BNC2: variants seen among roughly 807,000 people sequenced by gnomAD.
BNC2 encodes the protein zinc finger protein basonuclin-2.
In BNC2, 20 loss-of-function variants were observed where a neutral mutation model predicts 76.3. The observed-to-expected ratio is 0.26, with a 90% CI of 0.18 to 0.38. BNC2 has a LOEUF of 0.38. Ranked by LOEUF, BNC2 falls within the 10% of genes least tolerant of loss-of-function variation. The pLI, the probability that BNC2 is intolerant of heterozygous loss-of-function variation, is 1.00. For missense variants in BNC2, 1,382 were observed against 1,399.8 expected (o/e 0.99, Z 0.20); for synonymous variants, 582 against 514.8 (o/e 1.13, Z -1.77).
chr9:16,761,079 CA>C (rs397933346), intron 1 of BNC2, among the ~76,000 whole-genome samples: 28 of 145,224 alleles, frequency 1.9e-4, no homozygotes, highest in South Asian at 4.5e-4. Flanking sequence ...CCCGTCTCTA[CA>C]AAAAAAAAAA....
In BNC2 at chr9:16,413,079, T is replaced by G. The variant is rs1162218787; in HGVS notation, c.*5910A>C. Reference sequence around the variant, plus strand: ...GTTATTAGAAAGATACGAGGTGAAATTGAACTGAAGCTTCTTGCTGCTCAG... The same window carrying G: ...GTTATTAGAAAGATACGAGGTGAAAGTGAACTGAAGCTTCTTGCTGCTCAG... On this transcript the variant is annotated 3_prime_UTR_variant, in exon 7 of 7. Transcript: ENST00000380672. 1 of 152,642 alleles carries G rather than the reference T, an allele frequency of 6.6e-6. No homozygotes were observed. The highest frequency in any genetic ancestry group is 1.5e-5 in the Non-Finnish European group (1 of 68,046). 9.5% of individuals were successfully genotyped at this position (152,642 alleles called of 1,614,324 possible).
intron 5 of BNC2, among the ~76,000 whole-genome samples, chr9:16,450,195 A>C (rs1192732559): frequency 1.3e-5 from 2 of 152,246 alleles, no homozygotes. Flanking sequence ...TACATCAGTG[A>C]AATTAGTTTA....
chr9:16,611,937 G>A (rs1223593394), intron 3 of BNC2, among the ~76,000 whole-genome samples: 2 of 152,032 alleles, frequency 1.3e-5, no homozygotes, highest in Non-Finnish European at 2.9e-5. Flanking sequence ...AAATAACCTA[G>A]TCTCTTTCTT....
intron 4 of BNC2, among the ~76,000 whole-genome samples, chr9:16,564,264 C>T (rs958394015): frequency 2.0e-5 from 3 of 152,064 alleles, no homozygotes; most frequent in African/African-American, 4.8e-5. Context: ...TAGGGTAGTC[C>T]TTAGTTTTCA....
intron 6 of BNC2, among the ~76,000 whole-genome samples, chr9:16,427,745 C>T (rs1187729606): frequency 1.3e-5 from 2 of 152,134 alleles, no homozygotes; most frequent in Non-Finnish European, 2.9e-5. Flanking sequence ...CCAATTCCAT[C>T]TCTGCTGATG....
chr9:16,767,593 A>G (rs991746368), intron 1 of BNC2, among the ~76,000 whole-genome samples: 1 of 152,200 alleles, frequency 6.6e-6, no homozygotes, highest in African/African-American at 2.4e-5. Context: ...CACTGGGGAA[A>G]AAGTATGAGA....
chr9:16,500,020 G>A (rs1410769561), intron 5 of BNC2, among the ~76,000 whole-genome samples: 1 of 151,848 alleles, frequency 6.6e-6, no homozygotes, highest in Admixed American at 6.6e-5. Context: ...TTTCATAGCT[G>A]GGAATTCACA....
chr9:16,519,371 T>A (rs1321848989), intron 5 of BNC2, among the ~76,000 whole-genome samples: 1 of 152,312 alleles, frequency 6.6e-6, no homozygotes, highest in Non-Finnish European at 1.5e-5. Context: ...TCCCAAAAGA[T>A]AGGAATTGGA....
chr9:16,804,308 T>C (rs569220274), intron 1 of BNC2, among the ~76,000 whole-genome samples: 5 of 152,362 alleles, frequency 3.3e-5, no homozygotes, highest in Admixed American at 2.0e-4. Context: ...CCAGAACGTT[T>C]TGATGTAAGT....
chr9:16,781,977 G>T (rs1431157648), intron 1 of BNC2, among the ~76,000 whole-genome samples: 3 of 152,012 alleles, frequency 2.0e-5, no homozygotes, highest in Non-Finnish European at 4.4e-5. Flanking sequence ...ATATTATTAT[G>T]ACTTTCAATT....
At chr9:16,821,443 T>C (rs1303851422) in intron 1 of BNC2, among the ~76,000 whole-genome samples, 2 of 152,182 alleles carry the variant, frequency 1.3e-5, no homozygotes, top group African/African-American at 4.8e-5. Context: ...AAAAAAATTA[T>C]TTCCAATGCA....
intron 3 of BNC2, among the ~76,000 whole-genome samples, chr9:16,717,731 C>T (rs758677000): frequency 1.3e-5 from 2 of 152,102 alleles, no homozygotes; most frequent in Non-Finnish European, 2.9e-5. Flanking sequence ...TTCTATTAAT[C>T]ACTCTATTAA....
intron 1 of BNC2, among the ~76,000 whole-genome samples, chr9:16,757,715 T>C (rs969127283): frequency 1.3e-3 from 17 of 12,782 alleles, no homozygotes; most frequent in African/African-American, 2.2e-3. Context: ...CAACCCTTGA[T>C]TTTAAAAAGA....
intron 5 of BNC2, among the ~76,000 whole-genome samples, chr9:16,503,598 A>G (rs1176546215): frequency 6.6e-6 from 1 of 152,184 alleles, no homozygotes; most frequent in Non-Finnish European, 1.5e-5. Flanking sequence ...TTCAAGAAAT[A>G]GGAAAATGGG....
chr9:16,788,356 A>G (rs1321503408), intron 1 of BNC2, among the ~76,000 whole-genome samples: 5 of 151,722 alleles, frequency 3.3e-5, no homozygotes, highest in Admixed American at 6.6e-5. Flanking sequence ...GATCGAGACC[A>G]TCCTGGCTAA....
chr9:16,653,862 C>T (rs1342047602), intron 3 of BNC2, among the ~76,000 whole-genome samples: 1 of 152,130 alleles, frequency 6.6e-6, no homozygotes, highest in African/African-American at 2.4e-5. Context: ...TGTGGCAGAA[C>T]CTCTTGTCTG....
rs756982051 is a variant in BNC2 at position 16,435,832 on chromosome 9, T to G, written c.2362A>C (p.Met788Leu). Reference sequence around the variant, plus strand: ...CCATTGTACAGTCCATACTGGCTCATGTAAAACATGTCGTAAGTGGGGTCT... The same window carrying G: ...CCATTGTACAGTCCATACTGGCTCAGGTAAAACATGTCGTAAGTGGGGTCT... ...FTDPTYDMFY[M>L]SQYGLYNGGG... is the part of the protein sequence containing the mutation. Residue 788 changes from methionine (M) to leucine (L), a missense_variant, in exon 6 of 7, where the codon ATG (methionine) becomes CTG (leucine). Physicochemically the swap from Met to Leu is conservative, Grantham distance 15 (BLOSUM62 2). Coordinates refer to ENST00000380672, the MANE Select transcript of BNC2 (RefSeq NM_017637.6). The G allele has an allele frequency of 6.2e-7, 1 of 1,614,082 alleles. No homozygotes were observed. The highest frequency in any genetic ancestry group is 8.5e-7 in the Non-Finnish European group (1 of 1,179,930).
intron 5 of BNC2, among the ~76,000 whole-genome samples, chr9:16,544,835 AT>A (rs1442498722): frequency 6.6e-6 from 1 of 151,844 alleles, no homozygotes; most frequent in Non-Finnish European, 1.5e-5. Flanking sequence ...AGAATAAACC[AT>A]TACTTTAAAA....
intron 3 of BNC2, among the ~76,000 whole-genome samples, chr9:16,651,925 C>G (rs1462451368): frequency 2.0e-5 from 3 of 152,070 alleles, no homozygotes; most frequent in African/African-American, 4.8e-5. Flanking sequence ...TAAGAAATAC[C>G]AATCCTGAGT....
Sources: allele counts gnomAD v4.1 joint callset (sites outside exome capture counted in the v4.1 genomes callset), GRCh38; gene constraint gnomAD v4.1.1; transcripts MANE v1.5; gene names NCBI Gene and HGNC (gene_info 2026-07-23, HGNC 2026-07-21).